Variants in QRICH1 observed in about 807,000 individuals in gnomAD.
QRICH1 encodes the protein glutamine rich 1.
QRICH1 carries 16 observed loss-of-function variants against 87.1 expected under a neutral mutation model. The ratio of observed to expected loss-of-function variants is 0.18; its 90% CI spans 0.12 to 0.28. The LOEUF is 0.28. Ranked by LOEUF, QRICH1 falls within the 10% of genes least tolerant of loss-of-function variation. QRICH1 has a pLI of 1.00. For missense variants in QRICH1, 647 were observed against 951.7 expected (o/e 0.68, Z 4.21); for synonymous variants, 367 against 368.4 (o/e 1.00, Z 0.05).
intron 6 of QRICH1, among the ~76,000 whole-genome samples, chr3:49,038,035 A>G (rs2093286129): frequency 2.0e-5 from 3 of 152,270 alleles, no homozygotes; most frequent in South Asian, 4.1e-4. Flanking sequence ...AATGAAATTT[A>G]TAAGACTATT....
chr3:49,093,201 G>A (rs1016711917), intron 1 of QRICH1: 3 of 152,194 alleles, frequency 2.0e-5, no homozygotes, highest in Non-Finnish European at 4.4e-5. Flanking sequence ...CTCAAACCAA[G>A]AGGGCTTGGT....
intron 9 of QRICH1, 138 bp downstream of exon 9, chr3:49,032,045 T>C (rs934783195): frequency 4.3e-6 from 3 of 704,550 alleles, no homozygotes; most frequent in Admixed American, 2.6e-5. Context: ...CTTCTAAATT[T>C]AGCTTTCTGG....
intron 6 of QRICH1, among the ~76,000 whole-genome samples, chr3:49,036,699 A>AC (rs1388754649): frequency 1.3e-5 from 2 of 150,790 alleles, no homozygotes; most frequent in African/African-American, 4.9e-5. Flanking sequence ...GAAAAAACAA[A>AC]AAAAAAAAAC....
upstream of QRICH1, chr3:49,094,350 C>T (rs2042340353): frequency 3.6e-6 from 1 of 281,162 alleles, no homozygotes; most frequent in African/African-American, 2.2e-5. Flanking sequence ...CCGTCGCCCG[C>T]CAGAGCCTCC....
At chr3:49,058,436 T>C (rs2093415878) in intron 2 of QRICH1, among the ~76,000 whole-genome samples, 1 of 151,856 alleles carries the variant, frequency 6.6e-6, no homozygotes, top group African/African-American at 2.4e-5. Context: ...AAGCAATTCT[T>C]GAAGCCAGCC....
At chr3:49,048,080 T>C (rs1405747008) in intron 3 of QRICH1, among the ~76,000 whole-genome samples, 1 of 151,904 alleles carries the variant, frequency 6.6e-6, no homozygotes, top group Admixed American at 6.6e-5. Context: ...TTTATCAAAA[T>C]GCATATTCTG....
At chr3:49,033,452 C>A in intron 6 of QRICH1, 1 of 365,626 alleles carries the variant, frequency 2.7e-6, no homozygotes, top group African/African-American at 2.1e-5. Context: ...TCTAACACCA[C>A]ACTTGAGAAC....
chr3:49,078,541 C>T (rs970915499), intron 1 of QRICH1, among the ~76,000 whole-genome samples: 7 of 149,452 alleles, frequency 4.7e-5, no homozygotes, highest in East Asian at 2.0e-4. Context: ...ACTACAGGCG[C>T]CCACCACCAC....
rs566145165 is a variant in QRICH1 at position 49,060,599 on chromosome 3, G to A, written c.310-2709C>T. On this transcript the variant is annotated intron_variant, in intron 2 of 9. Coordinates refer to ENST00000395443, the MANE Select transcript of QRICH1 (RefSeq NM_198880.3). The stretch of plus-strand genomic sequence containing the variant: ...CCAGCCTTGGCCTCCCAAAGTGCTG[G>A]GATTATAGGCGTGAGCCACCATACC... 2.6e-5 allele frequency among the ~76,000 whole-genome samples: 4 copies of A among 152,212 alleles called. 1 individual carries two copies. Among genetic ancestry groups the A allele is most frequent in the African/African-American group, 9.6e-5 (4 of 41,550 alleles).
rs1404522718 is a variant in QRICH1, at chr3:49,049,163, C to G, written c.1339-1917G>C. ...GACTGATCTGCCCGCCTTGGCCTCC[C>G]AAAGTGCTGGGATTACAGGCATGAG... On this transcript the variant is annotated intron_variant, in intron 3 of 9. Coordinates refer to ENST00000395443, the MANE Select transcript of QRICH1 (RefSeq NM_198880.3). Among the ~76,000 whole-genome samples the G allele has an allele frequency of 3.3e-5, 5 of 151,880 alleles. No individual in the cohort carries two copies. In the East Asian group the frequency reaches 9.9e-4, roughly 30 times the overall value.
intron 1 of QRICH1, among the ~76,000 whole-genome samples, chr3:49,080,831 T>C (rs1486944798): frequency 6.6e-6 from 1 of 151,420 alleles, no homozygotes; most frequent in East Asian, 1.9e-4. Context: ...GATATGAAAC[T>C]CAACTAAGAA....
chr3:49,070,016 T>G (rs1015796712), intron 2 of QRICH1, among the ~76,000 whole-genome samples: 2 of 151,930 alleles, frequency 1.3e-5, no homozygotes, highest in African/African-American at 4.8e-5. Context: ...AAAAGTTCTT[T>G]CCTACACGCA....
At chr3:49,062,859 G>A (rs1031670630) in intron 2 of QRICH1, among the ~76,000 whole-genome samples, 6 of 151,886 alleles carry the variant, frequency 4.0e-5, no homozygotes, top group African/African-American at 7.2e-5. Flanking sequence ...AATTAGCCAG[G>A]CGTGGTGACG....
intron 2 of QRICH1, among the ~76,000 whole-genome samples, chr3:49,071,346 C>T (rs1029550360): frequency 1.1e-4 from 16 of 152,210 alleles, no homozygotes; most frequent in African/African-American, 3.8e-4. Context: ...GCACCCAGCC[C>T]CAAACTCTTT....
intron 6 of QRICH1, 86 bp from the exon 7 acceptor site, chr3:49,033,314 C>T (rs940976987): frequency 1.3e-6 from 1 of 755,710 alleles, no homozygotes. Flanking sequence ...GCATAAGGAC[C>T]ACACAGGAGT....
intron 6 of QRICH1, among the ~76,000 whole-genome samples, chr3:49,036,082 T>A (rs1444685569): frequency 6.6e-6 from 1 of 151,946 alleles, no homozygotes; most frequent in East Asian, 1.9e-4. Context: ...CAAGACCCTG[T>A]CTCAAAATAA....
rs2106983539 is a variant in QRICH1, at chr3:49,076,950, G to A, written c.68C>T (p.Pro23Leu). ...EYIRVKARSVPQHRMKEFLDS... is the reference protein window; with the variant it reads ...EYIRVKARSVLQHRMKEFLDS... Reference sequence around the variant, plus strand: ...CAGAAATTCCTTCATCCTGTGTTGCGGGACAGACCGTGCCTTTACTCGGAT... The same window carrying A: ...CAGAAATTCCTTCATCCTGTGTTGCAGGACAGACCGTGCCTTTACTCGGAT... The change falls in exon 2 of 10, where the codon CCG becomes CTG. Residue 23 changes from proline to leucine, a missense_variant. Physicochemically the swap from Pro to Leu is moderately conservative, Grantham distance 98 (BLOSUM62 -3). Coordinates refer to ENST00000395443, the MANE Select transcript of QRICH1 (RefSeq NM_198880.3). 2 of 1,603,306 alleles carry A rather than the reference G, an allele frequency of 1.2e-6. No individual in the cohort carries two copies. Among genetic ancestry groups the A allele is most frequent in the Non-Finnish European group, 1.7e-6 (2 of 1,173,106 alleles).
chr3:49,043,701 C>A lies in QRICH1; in HGVS notation c.1786+689G>T, dbSNP rs1052271731. ...AATTAGCAGGGCATGATGGCACATG[C>A]CTGTAATCCCAGCTGCTCAGGAGGC... is the stretch of plus-strand genomic sequence containing the variant. On this transcript the variant is annotated intron_variant, in intron 6 of 9. Transcript: ENST00000395443. Among the ~76,000 whole-genome samples the A allele has an allele frequency of 5.3e-5, 8 of 152,110 alleles. No homozygotes were observed. In the South Asian group the frequency reaches 1.2e-3, roughly 24 times the overall value.
At position 49,062,516 on chromosome 3, in the gene QRICH1, A is replaced by G. The variant is rs529669919; in HGVS notation, c.310-4626T>C. 2.2e-4 allele frequency among the ~76,000 whole-genome samples: 33 copies of G among 151,280 alleles called. 1 individual carries two copies. In the East Asian group the frequency reaches 6.7e-3, roughly 31 times the overall value. Reference sequence around the variant, plus strand: ...GCTAGGATTACAGGCACGCATCACCATGCCCAGCTAAATTTTGCATTTTTA... The same window carrying G: ...GCTAGGATTACAGGCACGCATCACCGTGCCCAGCTAAATTTTGCATTTTTA... On this transcript the variant is annotated intron_variant, in intron 2 of 9. Coordinates refer to ENST00000395443, the MANE Select transcript of QRICH1 (RefSeq NM_198880.3).
Sources: allele counts gnomAD v4.1 joint callset (sites outside exome capture counted in the v4.1 genomes callset), GRCh38; gene constraint gnomAD v4.1.1; transcripts MANE v1.5; gene names NCBI Gene and HGNC (gene_info 2026-07-23, HGNC 2026-07-21).